The following NUGGC variants were observed in gnomAD, a reference collection of about 807,000 sequenced individuals.
NUGGC encodes the protein nuclear GTPase SLIP-GC.
In NUGGC, 58 loss-of-function variants were observed where a neutral mutation model predicts 92.6. The ratio of observed to expected loss-of-function variants is 0.63; its 90% CI spans 0.51 to 0.78. The LOEUF (loss-of-function observed/expected upper bound fraction) is 0.78, where lower values mean the gene tolerates loss of function less well. Ranked by LOEUF, NUGGC falls within the 30% of genes least tolerant of loss-of-function variation. The pLI, the probability that NUGGC is intolerant of heterozygous loss-of-function variation, is 0.00. For synonymous variants in NUGGC, 376 were observed against 366.4 expected (o/e 1.03, Z -0.30); for missense variants, 925 against 964.6 (o/e 0.96, Z 0.54).
chr8:28,082,892 C>T (rs56343134), intron 1 of NUGGC, among the ~76,000 whole-genome samples: 3,789 of 152,080 alleles, frequency 0.025, 162 homozygotes, highest in African/African-American at 0.085. Flanking sequence ...GGTAACAGAC[C>T]GAAGCCTCAA....
chr8:28,046,038 T>C (rs533101465), intron 11 of NUGGC, among the ~76,000 whole-genome samples: 9 of 152,160 alleles, frequency 5.9e-5, no homozygotes, highest in Admixed American at 5.2e-4. Context: ...TCTACCTATA[T>C]CAACTAACCC....
chr8:28,074,209 C>CTT (rs1585604127), intron 2 of NUGGC, among the ~76,000 whole-genome samples, 159 bp downstream of exon 2: 2 of 151,850 alleles, frequency 1.3e-5, no homozygotes, highest in East Asian at 3.9e-4. Flanking sequence ...AATATCTGAT[C>CTT]TTCATTCACT....
intron 9 of NUGGC, among the ~76,000 whole-genome samples, chr8:28,057,330 C>CTTTTTTTTTTTTT (rs57167648): frequency 1.2e-4 from 15 of 124,012 alleles, no homozygotes; most frequent in African/African-American, 3.1e-4. Flanking sequence ...ATTTTCTTTC[C>CTTTTTTTTTTTTT]TTTTTTTTTT....
rs116500691 is a variant in NUGGC, at chr8:28,042,079, C to A, written c.1447-864G>T. ...TTTATAAGGAGAAACCTTATAAAACCTTATAAAACATGCCACCATGTAAGA... is the reference window on the plus strand; with the variant it reads ...TTTATAAGGAGAAACCTTATAAAACATTATAAAACATGCCACCATGTAAGA... On this transcript the variant is annotated intron_variant, in intron 12 of 18. Transcript: ENST00000413272. Among the ~76,000 whole-genome samples the A allele has an allele frequency of 6.4e-3, 979 of 152,152 alleles. 12 individuals are homozygous for A. The highest frequency in any genetic ancestry group is 0.022 in the African/African-American group (912 of 41,488).
intron 9 of NUGGC, among the ~76,000 whole-genome samples, chr8:28,056,274 C>A (rs548101855): frequency 6.6e-6 from 1 of 151,662 alleles, no homozygotes; most frequent in Non-Finnish European, 1.5e-5. Context: ...CTCAAGAGAT[C>A]GAGACCATCC....
chr8:28,064,847 A>G, intron 6 of NUGGC, 116 bp from the exon 7 acceptor site: 1 of 804,290 alleles, frequency 1.2e-6, no homozygotes, highest in Non-Finnish European at 2.0e-6. Flanking sequence ...AAGTGCGTCC[A>G]ACAGGAGGCC....
At chr8:28,075,127 T>C (rs1230623912) in intron 1 of NUGGC, among the ~76,000 whole-genome samples, 1 of 152,088 alleles carries the variant, frequency 6.6e-6, no homozygotes, top group Admixed American at 6.6e-5. Flanking sequence ...TTCCAGAAAG[T>C]CTCAGCAGGA....
chr8:28,075,524 A>G (rs1810700760), intron 1 of NUGGC, among the ~76,000 whole-genome samples: 1 of 152,106 alleles, frequency 6.6e-6, no homozygotes. Context: ...CGAGTGGGGA[A>G]CACCCAAGGT....
rs377732822 is a variant in NUGGC at position 28,064,606 on chromosome 8, G to A, written c.837C>T (p.Ser279=). 449 of 1,614,020 alleles carry A rather than the reference G, an allele frequency of 2.8e-4. 3 individuals are homozygous for A. In the African/African-American group the frequency reaches 5.2e-3, roughly 19 times the overall value. The change falls in exon 7 of 19, where the codon TCC becomes TCT. Residue 279 remains serine (S), a synonymous_variant. Coordinates refer to ENST00000413272, the MANE Select transcript of NUGGC (RefSeq NM_001010906.2). ...GCACGACCCCTTCTGGGATCAGGTC[G>A]GATTTGGGAAGTGTCACTTCCACAT... ...IKHVEVTLPK[S]DLIPEGVVLV... is the part of the protein sequence containing the mutation.
At chr8:28,064,445 C>G in intron 7 of NUGGC, 77 bp downstream of exon 7, 2 of 1,219,788 alleles carry the variant, frequency 1.6e-6, no homozygotes, top group South Asian at 2.6e-5. Flanking sequence ...GAAGCTGAAA[C>G]CAGAGCATTC....
At position 28,041,094 on chromosome 8, in the gene NUGGC, G is replaced by T. The variant is rs1452888203; in HGVS notation, c.1568C>A (p.Thr523Asn). Residue 523 changes from threonine (T) to asparagine (N), a missense_variant, in exon 13 of 19, where the codon ACC becomes AAC. By Grantham distance (65) the Thr-to-Asn change is moderately conservative (BLOSUM62 0). Transcript: ENST00000413272. ...GATGCAGCGGTAAGAAGTCCTGGCG[G>T]TCCTGACCCCTTCTTGCAGAGGCTG... ...MEQPLQEGVR[T>N]ARTSYRCILR... The T allele has an allele frequency of 6.2e-7, 1 of 1,607,224 alleles. No individual in the cohort carries two copies.
rs768159805 is a variant in NUGGC at position 28,067,667 on chromosome 8, C to A, written c.558G>T (p.Ala186=). The A allele has an allele frequency of 1.9e-6, 3 of 1,614,016 alleles. No homozygotes were observed. Among genetic ancestry groups the A allele is most frequent in the Admixed American group, 3.3e-5 (2 of 60,024 alleles). ...CCTCCACTGCCTCATCCCTGTTCCA[C>A]GCATCTGCCTCTTCTCTGCTCAGCT... The part of the protein sequence containing the change: ...TEELSREEAD[A]WNRDEAVEEA... Residue 186 remains alanine, a synonymous_variant, in exon 6 of 19, where the codon GCG becomes GCT. Coordinates refer to ENST00000413272, the MANE Select transcript of NUGGC (RefSeq NM_001010906.2).
chr8:28,029,235 G>T (rs1451079613), intron 17 of NUGGC, 31 bp downstream of exon 17: 6 of 1,591,046 alleles, frequency 3.8e-6, no homozygotes, highest in Non-Finnish European at 5.1e-6. Context: ...GCCTCTCGGG[G>T]TCTAGGATCC....
intron 18 of NUGGC, among the ~76,000 whole-genome samples, chr8:28,024,116 C>T (rs935664445): frequency 6.6e-6 from 1 of 152,058 alleles, no homozygotes; most frequent in African/African-American, 2.4e-5. Context: ...CTCTGCCTCC[C>T]AGGCTCAAGT....
At chr8:28,033,410 GGACT>G in intron 14 of NUGGC, 126 bp downstream of exon 14, 1 of 902,954 alleles carries the variant, frequency 1.1e-6, no homozygotes, top group Non-Finnish European at 1.7e-6. Context: ...GTTTTGCCAA[GGACT>G]AAGGTTTCCT....
rs17058575 is a variant in NUGGC at position 28,074,358 on chromosome 8, A to G, written c.43+10T>C. The G allele has an allele frequency of 0.16, 257,165 of 1,597,386 alleles. 21,941 individuals are homozygous for G. Among genetic ancestry groups the G allele is most frequent in the South Asian group, 0.23 (20,545 of 90,636 alleles). On this transcript the variant is annotated intron_variant, in intron 2 of 18. Transcript: ENST00000413272. ...ATATCCTCCATCAGAAGATACTGCAAAGATGTTACCTGGATGCGGTTCCTG... is the reference window on the plus strand; with the variant it reads ...ATATCCTCCATCAGAAGATACTGCAGAGATGTTACCTGGATGCGGTTCCTG...
chr8:28,075,521 G>A (rs548501091), intron 1 of NUGGC, among the ~76,000 whole-genome samples: 230 of 152,220 alleles, frequency 1.5e-3, no homozygotes, highest in Middle Eastern at 3.4e-3. Flanking sequence ...ACACGAGTGG[G>A]GAACACCCAA....
At chr8:28,048,502 G>A (rs1809901666) in intron 10 of NUGGC, among the ~76,000 whole-genome samples, 1 of 152,098 alleles carries the variant, frequency 6.6e-6, no homozygotes, top group Non-Finnish European at 1.5e-5. Flanking sequence ...ACCTGGCTAA[G>A]GTCCTAGAAA....
intron 13 of NUGGC, among the ~76,000 whole-genome samples, chr8:28,035,794 C>T (rs1316315496): frequency 1.3e-5 from 2 of 152,246 alleles, no homozygotes; most frequent in African/African-American, 4.8e-5. Flanking sequence ...ATGAAACCCT[C>T]AATGGCCAAA....
Sources: gnomAD v4.1 joint callset for allele counts (sites outside exome capture counted in the v4.1 genomes callset) on GRCh38, gnomAD v4.1.1 for gene constraint, MANE v1.5 for transcripts, NCBI Gene and HGNC (gene_info 2026-07-23, HGNC 2026-07-21) for gene names.